The following NKAIN1 variants were observed in gnomAD, a reference collection of about 807,000 sequenced individuals.
NKAIN1 encodes sodium/potassium transporting ATPase interacting 1, also known as sodium/potassium-transporting ATPase subunit beta-1-interacting protein 1.
In NKAIN1, 13 loss-of-function variants were observed where a neutral mutation model predicts 31.6. That is an observed-to-expected ratio of 0.41 (90% confidence interval 0.27 to 0.65). The LOEUF is 0.65. Ranked by LOEUF, NKAIN1 falls within the 30% of genes least tolerant of loss-of-function variation. The pLI is 0.30. For synonymous variants in NKAIN1, 104 were observed against 109.0 expected (o/e 0.95, Z 0.28); for missense variants, 193 against 262.2 (o/e 0.74, Z 1.82).
intron 1 of NKAIN1, among the ~76,000 whole-genome samples, chr1:31,223,096 G>T (rs1410538756): frequency 6.6e-6 from 1 of 152,116 alleles, no homozygotes; most frequent in Non-Finnish European, 1.5e-5. Context: ...TCCATAAACG[G>T]CCAGGCGCGG....
At chr1:31,224,148 GGC>G (rs1326285845) in intron 1 of NKAIN1, among the ~76,000 whole-genome samples, 1 of 152,146 alleles carries the variant, frequency 6.6e-6, no homozygotes, top group Non-Finnish European at 1.5e-5. Context: ...GAGCTGAATG[GGC>G]AGCTGCAGAG....
At chr1:31,226,217 A>G (rs1158839519) in intron 1 of NKAIN1, among the ~76,000 whole-genome samples, 2 of 152,226 alleles carry the variant, frequency 1.3e-5, no homozygotes, top group Non-Finnish European at 2.9e-5. Flanking sequence ...GTTAAGCGCC[A>G]GGATTTGAAC....
intron 1 of NKAIN1, among the ~76,000 whole-genome samples, chr1:31,229,480 T>G (rs900985827): frequency 1.3e-5 from 2 of 152,014 alleles, no homozygotes; most frequent in African/African-American, 4.8e-5. Flanking sequence ...GCAAAAGCAA[T>G]CCTCCCCTCC....
chr1:31,220,647 T>C (rs1038759213), intron 1 of NKAIN1, among the ~76,000 whole-genome samples: 8 of 145,928 alleles, frequency 5.5e-5, no homozygotes, highest in African/African-American at 2.1e-4. Context: ...CCCAGCTGCT[T>C]GGGAGGCTGA....
intron 1 of NKAIN1, among the ~76,000 whole-genome samples, chr1:31,192,360 G>A (rs1441812724): frequency 6.6e-6 from 1 of 152,082 alleles, no homozygotes. Context: ...TTCACAGAAC[G>A]TTTAGTCTAT....
At chr1:31,220,495 C>T (rs1336216336) in intron 1 of NKAIN1, among the ~76,000 whole-genome samples, 2 of 151,904 alleles carry the variant, frequency 1.3e-5, no homozygotes, top group African/African-American at 2.4e-5. Flanking sequence ...TGGCTCACGC[C>T]TATAATCCTG....
chr1:31,202,195 C>G (rs1195891039), intron 1 of NKAIN1, among the ~76,000 whole-genome samples: 1 of 152,232 alleles, frequency 6.6e-6, no homozygotes, highest in Non-Finnish European at 1.5e-5. Context: ...CCCATCCCCA[C>G]CCCTTCCCCA....
chr1:31,191,575 A>G (rs1645286398), intron 1 of NKAIN1, among the ~76,000 whole-genome samples: 1 of 152,134 alleles, frequency 6.6e-6, no homozygotes, highest in Non-Finnish European at 1.5e-5. Flanking sequence ...GTGGGGATAT[A>G]GAGATATCAC....
At position 31,181,657 on chromosome 1, in the gene NKAIN1, T is replaced by C; in HGVS notation, c.*46A>G. The C allele has an allele frequency of 3.5e-6, 5 of 1,430,524 alleles. No homozygotes were observed. Among genetic ancestry groups the C allele is most frequent in the Non-Finnish European group, 4.6e-6 (5 of 1,086,002 alleles). The allele number at this position is 1,430,524 out of a possible 1,614,324, so 88.6% of individuals were successfully genotyped here. A position where few individuals can be genotyped will look rare whatever the true frequency, so the allele number is the denominator to read the frequency against. Reference sequence around the variant, plus strand: ...CGCCTTGGCCCGAGCTCGCGGCAGCTGCGGTCAGCCCAGGGCGAGGCGCCG... The same window carrying C: ...CGCCTTGGCCCGAGCTCGCGGCAGCCGCGGTCAGCCCAGGGCGAGGCGCCG... On this transcript the variant is annotated 3_prime_UTR_variant, in exon 7 of 7. Coordinates refer to ENST00000373736, the MANE Select transcript of NKAIN1 (RefSeq NM_024522.3).
intron 1 of NKAIN1, among the ~76,000 whole-genome samples, chr1:31,219,743 G>A (rs1645547710): frequency 2.6e-5 from 4 of 152,224 alleles, no homozygotes; most frequent in Admixed American, 2.6e-4. Flanking sequence ...AGTAGCCCAA[G>A]GGTTTGGAGA....
chr1:31,195,878 T>G (rs1357466873), intron 1 of NKAIN1, among the ~76,000 whole-genome samples: 1 of 130,316 alleles, frequency 7.7e-6, no homozygotes, highest in Admixed American at 9.2e-5. Context: ...TGAGCTGTGA[T>G]AGCCTACCTG....
At chr1:31,187,926 TG>T in intron 2 of NKAIN1, 123 bp downstream of exon 2, 1 of 1,031,012 alleles carries the variant, frequency 9.7e-7, no homozygotes, top group Non-Finnish European at 1.4e-6. Flanking sequence ...CATCTTGTTT[TG>T]GGTGGAGCCA....
In NKAIN1 at chr1:31,232,416, T is replaced by G. The variant is rs1264197890; in HGVS notation, c.54+7078A>C. On this transcript the variant is annotated intron_variant, in intron 1 of 6. Transcript: ENST00000373736. ...TACTTCATATATATATATATATATA[T>G]ATATATATAGAGAGAGAGAGAGAGA... 3.2e-3 allele frequency among the ~76,000 whole-genome samples: 108 copies of G among 34,252 alleles called. 8 individuals are homozygous for G. Among genetic ancestry groups the G allele is most frequent in the African/African-American group, 9.9e-3 (105 of 10,606 alleles). The allele number at this position is 34,252 out of a possible 152,430, so 22.5% of individuals were successfully genotyped here. A position where few individuals can be genotyped will look rare whatever the true frequency, so the allele number is the denominator to read the frequency against.
chr1:31,184,021 G>C lies in NKAIN1; in HGVS notation c.274-7C>G. 6.2e-7 allele frequency: 1 copy of C among 1,612,562 alleles called. No homozygotes were observed. The highest frequency in any genetic ancestry group is 2.2e-5 in the East Asian group (1 of 44,810). On this transcript the variant is annotated splice_region_variant and splice_polypyrimidine_tract_variant and intron_variant, in intron 3 of 6. Transcript: ENST00000373736. Reference sequence around the variant, plus strand: ...TCATGATGAAGTCCCGGTCCTGGGGGCAAAGGGGCCTGGGATACTGAGTGT... The same window carrying C: ...TCATGATGAAGTCCCGGTCCTGGGGCCAAAGGGGCCTGGGATACTGAGTGT...
intron 1 of NKAIN1, among the ~76,000 whole-genome samples, chr1:31,211,769 C>A (rs949950547): frequency 6.6e-6 from 1 of 151,962 alleles, no homozygotes; most frequent in African/African-American, 2.4e-5. Flanking sequence ...AGTGAAATTT[C>A]GTCTCTACTA....
intron 1 of NKAIN1, among the ~76,000 whole-genome samples, chr1:31,232,424 T>TAGAGAGAGAG (rs34605060): frequency 2.8e-3 from 47 of 16,902 alleles, no homozygotes; most frequent in Non-Finnish European, 3.3e-3. Context: ...TATATATATA[T>TAGAGAGAGAG]AGAGAGAGAG....
intron 1 of NKAIN1, among the ~76,000 whole-genome samples, chr1:31,196,423 G>A (rs1366232882): frequency 6.6e-6 from 1 of 150,672 alleles, no homozygotes; most frequent in African/African-American, 2.5e-5. Flanking sequence ...TGAGACAGGA[G>A]AATGGCTTGA....
intron 1 of NKAIN1, among the ~76,000 whole-genome samples, chr1:31,217,254 T>C (rs1289202342): frequency 2.0e-5 from 3 of 152,196 alleles, no homozygotes; most frequent in Non-Finnish European, 4.4e-5. Context: ...AGCCTCCAAC[T>C]CCTGGACTCA....
At chr1:31,193,339 A>G (rs1645300716) in intron 1 of NKAIN1, among the ~76,000 whole-genome samples, 1 of 151,850 alleles carries the variant, frequency 6.6e-6, no homozygotes, top group Non-Finnish European at 1.5e-5. Flanking sequence ...AAGTGCTGGG[A>G]TTACAGGCGT....
Sources: allele counts gnomAD v4.1 joint callset (sites outside exome capture counted in the v4.1 genomes callset), GRCh38; gene constraint gnomAD v4.1.1; transcripts MANE v1.5; gene names NCBI Gene and HGNC (gene_info 2026-07-23, HGNC 2026-07-21).